CIMAP1B: variants seen among roughly 807,000 people sequenced by gnomAD.
CIMAP1B encodes ciliary microtubule associated protein 1B.
chr22:50,531,758 T>G, the CIMAP1B span: 3 of 1,369,774 alleles, frequency 2.2e-6, no homozygotes, highest in Non-Finnish European at 2.8e-6. Context: ...CCGCGACGGG[T>G]CATGCAGGGC....
the CIMAP1B span, chr22:50,530,939 T>A: frequency 6.2e-7 from 1 of 1,610,848 alleles, no homozygotes; most frequent in Non-Finnish European, 8.5e-7. Flanking sequence ...TCCCCCACCT[T>A]GCTGAGGTCC....
the CIMAP1B span, chr22:50,530,482 A>G: frequency 9.4e-6 from 15 of 1,596,250 alleles, no homozygotes; most frequent in Admixed American, 5.3e-5. Context: ...CTGGCGGGTC[A>G]GTTGTCCGCG....
chr22:50,530,984 T>C, the CIMAP1B span: 2 of 1,611,252 alleles, frequency 1.2e-6, no homozygotes, highest in Non-Finnish European at 1.7e-6. Flanking sequence ...CGGCCGTAGA[T>C]GGAGCAAGTT....
At chr22:50,531,486 T>C in the CIMAP1B span, 1 of 1,229,192 alleles carries the variant, frequency 8.1e-7, no homozygotes, top group Non-Finnish European at 1.1e-6. Context: ...CGAGGGGGAC[T>C]CGGGGTTCAG....
the CIMAP1B span, chr22:50,531,242 G>C: frequency 2.0e-5 from 32 of 1,612,286 alleles, 2 homozygotes; most frequent in South Asian, 3.5e-4. Context: ...GCAATGGTGT[G>C]CCGAGGCGCA....
the CIMAP1B span, chr22:50,530,614 G>A: frequency 7.0e-6 from 11 of 1,566,284 alleles, no homozygotes; most frequent in Non-Finnish European, 9.5e-6. Context: ...TCTCCGCGCC[G>A]GGACCCCTGG....
the CIMAP1B span, chr22:50,531,932 C>T: frequency 2.3e-6 from 3 of 1,311,888 alleles, no homozygotes; most frequent in Non-Finnish European, 2.9e-6. Context: ...CCCCAGGCGC[C>T]GTCCCACCCC....
chr22:50,532,107 A>C, the CIMAP1B span: 2 of 1,349,530 alleles, frequency 1.5e-6, no homozygotes, highest in Non-Finnish European at 1.9e-6. Context: ...TACGGCTCGC[A>C]GCACCTGCGG....
At chr22:50,530,749 G>T in the CIMAP1B span, 5 of 1,611,156 alleles carry the variant, frequency 3.1e-6, no homozygotes, top group Admixed American at 8.4e-5. Context: ...TGGCTTCCGA[G>T]TGTTGTCTTG....
At chr22:50,531,564 C>G in the CIMAP1B span, 4 of 1,426,108 alleles carry the variant, frequency 2.8e-6, no homozygotes, top group Non-Finnish European at 2.7e-6. Flanking sequence ...GCCCGGGGGT[C>G]CTGACCAGGT....
At chr22:50,532,001 G>A in the CIMAP1B span, 1 of 1,360,354 alleles carries the variant, frequency 7.4e-7, no homozygotes, top group East Asian at 3.0e-5. Flanking sequence ...TTTGGGCCCG[G>A]GGCCTCCGTA....
the CIMAP1B span, chr22:50,531,472 T>C: frequency 4.5e-6 from 5 of 1,099,848 alleles, no homozygotes; most frequent in African/African-American, 1.6e-5. Flanking sequence ...GGTGTTAGGG[T>C]ATCCGAGGGG....
chr22:50,531,824 T>C, the CIMAP1B span: 3 of 1,340,216 alleles, frequency 2.2e-6, no homozygotes, highest in Non-Finnish European at 2.9e-6. Context: ...AAGCCCCATC[T>C]GCAACACGGA....
chr22:50,530,634 G>C, the CIMAP1B span: 1 of 1,576,662 alleles, frequency 6.3e-7, no homozygotes, highest in Non-Finnish European at 8.6e-7. Flanking sequence ...GACCCCCGGG[G>C]ACTCTGATCC....
chr22:50,530,874 T>A, the CIMAP1B span: 1 of 1,606,268 alleles, frequency 6.2e-7, no homozygotes, highest in Admixed American at 1.7e-5. Flanking sequence ...CAGAGGGTGC[T>A]GGCTGCCGCC....
At chr22:50,531,282 C>T in the CIMAP1B span, 5 of 1,608,768 alleles carry the variant, frequency 3.1e-6, no homozygotes, top group Non-Finnish European at 3.4e-6. Context: ...CCGCTCGCTC[C>T]GGGAAGTACC....
chr22:50,531,815 A>G, the CIMAP1B span: 1 of 1,344,856 alleles, frequency 7.4e-7, no homozygotes, highest in Non-Finnish European at 9.6e-7. Flanking sequence ...CCCAGCCCCA[A>G]GCCCCATCTG....
At chr22:50,532,086 TG>T in the CIMAP1B span, 4 of 1,362,210 alleles carry the variant, frequency 2.9e-6, no homozygotes, top group African/African-American at 1.5e-5. Flanking sequence ...ATAGCGCGGG[TG>T]GGGGGCGCTT....
At chr22:50,530,486 G>T in the CIMAP1B span, 1 of 1,597,316 alleles carries the variant, frequency 6.3e-7, no homozygotes, top group Admixed American at 1.8e-5. Flanking sequence ...CGGGTCAGTT[G>T]TCCGCGTCGG....
Sources: gnomAD v4.1 joint callset for allele counts on GRCh38, gnomAD v4.1.1 for gene constraint, MANE v1.5 for transcripts, NCBI Gene and HGNC (gene_info 2026-07-23, HGNC 2026-07-21) for gene names.